CYP2J2: variants seen among roughly 807,000 people sequenced by gnomAD.
The protein encoded by CYP2J2 is cytochrome P450 2J2.
Under a neutral mutation model 48.8 loss-of-function variants are expected in CYP2J2, and 41 were observed. That is an observed-to-expected ratio of 0.84 (90% CI 0.66 to 1.09). The LOEUF (loss-of-function observed/expected upper bound fraction) is 1.09. Among genes scored for constraint, CYP2J2 ranks in the 50% least tolerant of loss-of-function variants. The probability of loss-of-function intolerance (pLI) is 0.00; values close to 1 mark genes in which losing one functional copy is unlikely to be tolerated. For synonymous variants in CYP2J2, 221 were observed against 227.1 expected (o/e 0.97, Z 0.24); for missense variants, 644 against 617.3 (o/e 1.04, Z -0.46).
intron 1 of CYP2J2, among the ~76,000 whole-genome samples, chr1:59,923,941 T>C (rs1205466563): frequency 1.3e-5 from 2 of 152,158 alleles, no homozygotes; most frequent in Non-Finnish European, 2.9e-5. Context: ...GAGAAATCTA[T>C]ATTTTCAGAA....
At chr1:59,956,104 T>C in the CYP2J2 span, among the ~76,000 whole-genome samples, 2 of 151,620 alleles carry the variant, frequency 1.3e-5, no homozygotes, top group African/African-American at 2.4e-5. Flanking sequence ...AGAAAGTGAA[T>C]GGGAAAGAGA....
At chr1:59,944,140 T>A in the CYP2J2 span, among the ~76,000 whole-genome samples, 1 of 152,218 alleles carries the variant, frequency 6.6e-6, no homozygotes, top group African/African-American at 2.4e-5. Context: ...TGACTACCTA[T>A]AATGTCTCAT....
chr1:59,960,853 T>G, the CYP2J2 span, among the ~76,000 whole-genome samples: 1 of 151,808 alleles, frequency 6.6e-6, no homozygotes, highest in South Asian at 2.1e-4. Context: ...AAAAAGAAAA[T>G]AAAATAAAGG....
intron 2 of CYP2J2, chr1:59,913,056 C>A (rs1340350103): frequency 6.6e-6 from 1 of 152,146 alleles, no homozygotes; most frequent in Admixed American, 6.6e-5. Context: ...TGACTATGGC[C>A]TGCTCACCCA....
chr1:59,959,192 T>C, the CYP2J2 span, among the ~76,000 whole-genome samples: 7 of 152,190 alleles, frequency 4.6e-5, no homozygotes, highest in East Asian at 1.3e-3. Flanking sequence ...GCCTTAATAT[T>C]ATGAAACATG....
the CYP2J2 span, among the ~76,000 whole-genome samples, chr1:59,947,163 T>G: frequency 6.6e-6 from 1 of 152,058 alleles, no homozygotes; most frequent in Admixed American, 6.6e-5. Context: ...CTTATTTTTT[T>G]TTGTCTACAA....
intron 8 of CYP2J2, among the ~76,000 whole-genome samples, chr1:59,899,234 T>C (rs887807035): frequency 2.6e-5 from 4 of 152,248 alleles, no homozygotes; most frequent in African/African-American, 9.6e-5. Flanking sequence ...GCCGAAACTT[T>C]GTGCTATAAT....
chr1:59,959,254 C>T, the CYP2J2 span, among the ~76,000 whole-genome samples: 2 of 152,130 alleles, frequency 1.3e-5, no homozygotes, highest in East Asian at 3.8e-4. Flanking sequence ...TCTTCCTATG[C>T]TCTTTGTATA....
rs201596747 is a variant in CYP2J2, at chr1:59,911,668, A to G, written c.624T>C (p.Phe208=). 2 of 1,613,568 alleles carry G rather than the reference A, an allele frequency of 1.2e-6. No individual in the cohort carries two copies. The change falls in exon 4 of 9, where the codon TTT becomes TTC. Residue 208 remains phenylalanine, a synonymous_variant. Transcript: ENST00000371204. ...GERFEYQDSW[F]QQLLKLLDEV... ...CATCTAGTAACTTCAGCAGCTGCTGAAACCAACTATCCTGGTACTCAAAGC... is the reference window on the plus strand; with the variant it reads ...CATCTAGTAACTTCAGCAGCTGCTGGAACCAACTATCCTGGTACTCAAAGC...
chr1:59,952,584 C>T, the CYP2J2 span, among the ~76,000 whole-genome samples: 2 of 152,136 alleles, frequency 1.3e-5, no homozygotes, highest in African/African-American at 2.4e-5. Flanking sequence ...GAGACTGCTG[C>T]TCAGCAAGCC....
chr1:59,916,224 C>CGT (rs147421653), intron 1 of CYP2J2, 124 bp from the exon 2 acceptor site: 58,233 of 579,378 alleles, frequency 0.1, 1,415 homozygotes, highest in African/African-American at 0.16. Context: ...TGTGTGTGTA[C>CGT]GTGTGTGTGT....
chr1:59,913,429 A>G (rs2102126638), intron 2 of CYP2J2, among the ~76,000 whole-genome samples: 1 of 152,290 alleles, frequency 6.6e-6, no homozygotes, highest in East Asian at 1.9e-4. Flanking sequence ...CACTTTGCTG[A>G]CTTAAAGGTA....
intron 8 of CYP2J2, among the ~76,000 whole-genome samples, chr1:59,895,245 C>T (rs1006886191): frequency 1.3e-5 from 2 of 152,176 alleles, no homozygotes; most frequent in Admixed American, 6.5e-5. Flanking sequence ...GCTGTCATGT[C>T]GCCTTAGTTC....
At chr1:59,923,299 G>T (rs998376707) in intron 1 of CYP2J2, among the ~76,000 whole-genome samples, 2 of 152,178 alleles carry the variant, frequency 1.3e-5, no homozygotes, top group African/African-American at 4.8e-5. Context: ...TATTTGAACT[G>T]CCACCCACAA....
At chr1:59,965,159 C>T in the CYP2J2 span, among the ~76,000 whole-genome samples, 1 of 152,132 alleles carries the variant, frequency 6.6e-6, no homozygotes, top group Admixed American at 6.5e-5. Flanking sequence ...TTAACAGTAG[C>T]GATGTTGGTG....
At chr1:59,968,346 T>C in the CYP2J2 span, among the ~76,000 whole-genome samples, 19 of 152,086 alleles carry the variant, frequency 1.2e-4, no homozygotes, top group Non-Finnish European at 1.9e-4. Context: ...CCTCAAACCC[T>C]TGCTTTTTCT....
chr1:59,900,904 G>C lies in CYP2J2; in HGVS notation c.1330+61C>G. 5 of 1,568,900 alleles carry C rather than the reference G, an allele frequency of 3.2e-6. No homozygotes were observed. The South Asian group carries it at 5.7e-5, about 18-fold the overall frequency. On this transcript the variant is annotated intron_variant, in intron 8 of 8. Transcript: ENST00000371204. Reference sequence around the variant, plus strand: ...AATGAAAACAAGGGAAAACAGGAGAGAGCAGGGGAGGGCTGGGAGAGGGGC... The same window carrying C: ...AATGAAAACAAGGGAAAACAGGAGACAGCAGGGGAGGGCTGGGAGAGGGGC...
the CYP2J2 span, among the ~76,000 whole-genome samples, chr1:59,956,777 T>C: frequency 2.0e-5 from 3 of 152,282 alleles, no homozygotes; most frequent in Admixed American, 6.5e-5. Context: ...CTGTTTTTCA[T>C]TGAGTGGTGG....
At chr1:59,926,415 C>T in intron 1 of CYP2J2, 122 bp downstream of exon 1, 1 of 786,894 alleles carries the variant, frequency 1.3e-6, no homozygotes, top group African/African-American at 1.7e-5. Flanking sequence ...ACCAGGTTAC[C>T]AGCGTTAGCC....
Sources: gnomAD v4.1 joint callset for allele counts (sites outside exome capture counted in the v4.1 genomes callset) on GRCh38, gnomAD v4.1.1 for gene constraint, MANE v1.5 for transcripts, NCBI Gene and HGNC (gene_info 2026-07-23, HGNC 2026-07-21) for gene names.